The following NTM variants were observed in gnomAD, a reference collection of about 807,000 sequenced individuals.
NTM encodes the protein IgLON family member 2.
NTM carries 13 observed loss-of-function variants against 42.1 expected under a neutral mutation model. That is an observed-to-expected ratio of 0.31 (90% CI 0.20 to 0.49). The LOEUF (loss-of-function observed/expected upper bound fraction) is 0.49. NTM is among the 20% of genes least tolerant of loss of function. NTM has a pLI of 0.99. For synonymous variants in NTM, 187 were observed against 179.2 expected (o/e 1.04, Z -0.35); for missense variants, 373 against 452.8 (o/e 0.82, Z 1.60).
chr11:131,544,386 CCTCTT>C (rs2053653892), intron 1 of NTM, among the ~76,000 whole-genome samples: 1 of 152,204 alleles, frequency 6.6e-6, no homozygotes, highest in African/African-American at 2.4e-5. Flanking sequence ...TCCCCTACCT[CCTCTT>C]CTTTCTCCAG....
At chr11:132,139,233 AGAT>A (rs953176909) in intron 2 of NTM, among the ~76,000 whole-genome samples, 1 of 152,170 alleles carries the variant, frequency 6.6e-6, no homozygotes, top group African/African-American at 2.4e-5. Flanking sequence ...TGGCTCTATG[AGAT>A]GATGAAGATG....
intron 2 of NTM, among the ~76,000 whole-genome samples, chr11:132,114,756 C>T (rs2063659516): frequency 6.6e-6 from 1 of 152,150 alleles, no homozygotes; most frequent in African/African-American, 2.4e-5. Flanking sequence ...GAAAGGTGGC[C>T]TGACTGGTTC....
At chr11:132,057,392 C>G (rs1174176482) in intron 2 of NTM, among the ~76,000 whole-genome samples, 1 of 152,040 alleles carries the variant, frequency 6.6e-6, no homozygotes, top group African/African-American at 2.4e-5. Context: ...ATTTTCTTGT[C>G]CTACTTTGTC....
intron 2 of NTM, among the ~76,000 whole-genome samples, chr11:132,131,769 G>A (rs367676158): frequency 1.1e-4 from 17 of 152,096 alleles, no homozygotes; most frequent in Non-Finnish European, 1.9e-4. Flanking sequence ...AGGTCCCTGC[G>A]GCAAAAAGAG....
At chr11:131,715,171 A>G (rs539179335) in intron 1 of NTM, among the ~76,000 whole-genome samples, 1 of 152,318 alleles carries the variant, frequency 6.6e-6, no homozygotes, top group African/African-American at 2.4e-5. Flanking sequence ...ACAAGATGGA[A>G]TTCTGTTCCC....
intron 1 of NTM, among the ~76,000 whole-genome samples, chr11:131,780,195 G>A (rs543826480): frequency 5.3e-4 from 81 of 152,254 alleles, no homozygotes; most frequent in African/African-American, 1.8e-3. Context: ...TGTGAGGCAC[G>A]AAATAGGAAG....
In NTM at chr11:131,424,127, C is replaced by T. The variant is rs77764252; in HGVS notation, c.82+53239C>T. ...CATTATTAGGCGTTCCTTTGACTGACGTTATGATGATAAATGAAAAATGCC... is the reference window on the plus strand; with the variant it reads ...CATTATTAGGCGTTCCTTTGACTGATGTTATGATGATAAATGAAAAATGCC... On this transcript the variant is annotated intron_variant, in intron 1 of 8. Coordinates refer to ENST00000683400, the MANE Select transcript of NTM (RefSeq NM_001352005.2). Among the ~76,000 whole-genome samples, 975 of 152,076 alleles carry T rather than the reference C, an allele frequency of 6.4e-3. 8 individuals are homozygous for T. Among genetic ancestry groups the T allele is most frequent in the African/African-American group, 0.022 (930 of 41,448 alleles).
chr11:131,610,205 C>T (rs1329755393), intron 1 of NTM, among the ~76,000 whole-genome samples: 2 of 152,174 alleles, frequency 1.3e-5, no homozygotes, highest in East Asian at 1.9e-4. Flanking sequence ...AAACTAGGGA[C>T]TCCAGCAAGG....
In NTM at chr11:132,003,550, A is replaced by G. The variant is rs773455781; in HGVS notation, c.167+91902A>G. Among the ~76,000 whole-genome samples the G allele has an allele frequency of 1.6e-4, 25 of 151,996 alleles. No homozygotes were observed. The highest frequency in any genetic ancestry group is 2.8e-4 in the Non-Finnish European group (19 of 67,990). ...CATTAGCCACTGCGCCTGGCCCATG[A>G]TTTGCATTTTTAACAAGTTCCTGGG... On this transcript the variant is annotated intron_variant, in intron 2 of 8. Transcript: ENST00000683400. This position sits in a 1 kb window ranked among gnomAD's most constrained non-coding sequence, Gnocchi z 6.0.
intron 1 of NTM, among the ~76,000 whole-genome samples, chr11:131,756,128 G>A (rs10894436): frequency 0.25 from 38,100 of 152,148 alleles, 5,938 homozygotes; most frequent in East Asian, 0.4. Context: ...CACTCTCATT[G>A]GTGTTAGTGA....
intron 1 of NTM, among the ~76,000 whole-genome samples, chr11:131,753,889 T>C (rs1162922673): frequency 6.8e-6 from 1 of 147,278 alleles, no homozygotes; most frequent in Admixed American, 6.9e-5. Context: ...ACTTAAAGTA[T>C]AATAATAATA....
chr11:132,023,115 G>A (rs1198013607), intron 2 of NTM, among the ~76,000 whole-genome samples: 2 of 152,172 alleles, frequency 1.3e-5, no homozygotes, highest in African/African-American at 4.8e-5. Context: ...TTGATTAGGA[G>A]GCTTTGCAGC....
chr11:131,820,312 G>A (rs892191874), intron 1 of NTM, among the ~76,000 whole-genome samples: 2 of 152,112 alleles, frequency 1.3e-5, no homozygotes, highest in Admixed American at 6.5e-5. Flanking sequence ...CAAGTGGTCC[G>A]TGGAGAGCAG....
chr11:131,787,144 T>C (rs2089367619), intron 1 of NTM, among the ~76,000 whole-genome samples: 1 of 152,020 alleles, frequency 6.6e-6, no homozygotes, highest in Non-Finnish European at 1.5e-5. Context: ...TCTCAACCCA[T>C]TCTAACTTTC....
chr11:132,243,003 C>G (rs945054458), intron 4 of NTM, among the ~76,000 whole-genome samples: 43 of 152,218 alleles, frequency 2.8e-4, no homozygotes, highest in African/African-American at 1.0e-3. Context: ...GACTGAATTT[C>G]AAGAAAAACC....
chr11:131,697,956 C>T (rs1045870940), intron 1 of NTM, among the ~76,000 whole-genome samples: 1 of 152,094 alleles, frequency 6.6e-6, no homozygotes, highest in Non-Finnish European at 1.5e-5. Flanking sequence ...TCTATATTTG[C>T]CTCTGTCAGG....
intron 4 of NTM, among the ~76,000 whole-genome samples, chr11:132,263,757 CAA>C (rs1262289293): frequency 2.0e-5 from 3 of 152,238 alleles, no homozygotes; most frequent in Admixed American, 2.0e-4. Context: ...ACCTTCCACA[CAA>C]AACACTGGAA....
intron 1 of NTM, among the ~76,000 whole-genome samples, chr11:131,500,997 C>A (rs2046750152): frequency 6.6e-6 from 1 of 151,408 alleles, no homozygotes; most frequent in African/African-American, 2.4e-5. Context: ...GAAAATGTGA[C>A]CCTATAGTTA....
chr11:131,423,605 G>A (rs1374034242), intron 1 of NTM, among the ~76,000 whole-genome samples: 2 of 152,202 alleles, frequency 1.3e-5, no homozygotes, highest in East Asian at 1.9e-4. Flanking sequence ...GTGCTTCCAG[G>A]GGCACAAAGT....
Sources: allele counts gnomAD v4.1 joint callset (sites outside exome capture counted in the v4.1 genomes callset), GRCh38; gene constraint gnomAD v4.1.1; non-coding constraint Gnocchi (gnomAD v3.1); transcripts MANE v1.5; gene names NCBI Gene and HGNC (gene_info 2026-07-23, HGNC 2026-07-21).